RORB: variants seen among roughly 807,000 people sequenced by gnomAD.
RORB encodes the protein nuclear receptor ROR-beta.
In RORB, 6 loss-of-function variants were observed where a neutral mutation model predicts 59.1. The observed-to-expected ratio is 0.10, with a 90% CI of 0.06 to 0.20. The LOEUF (loss-of-function observed/expected upper bound fraction) is 0.20, where lower values mean the gene tolerates loss of function less well. RORB is among the 10% of genes least tolerant of loss of function. The probability of loss-of-function intolerance (pLI) is 1.00; values close to 1 mark genes in which losing one functional copy is unlikely to be tolerated. For synonymous variants in RORB, 215 were observed against 204.5 expected (o/e 1.05, Z -0.44); for missense variants, 320 against 560.5 (o/e 0.57, Z 4.33).
At chr9:74,603,312 T>A (rs972311375) in intron 1 of RORB, among the ~76,000 whole-genome samples, 1 of 152,194 alleles carries the variant, frequency 6.6e-6, no homozygotes, top group Admixed American at 6.5e-5. Context: ...GCAGTTTTCA[T>A]GCTCAGTAGC....
At chr9:74,535,127 T>C (rs938021984) in intron 1 of RORB, among the ~76,000 whole-genome samples, 1 of 149,402 alleles carries the variant, frequency 6.7e-6, no homozygotes, top group Admixed American at 6.8e-5. Context: ...AAAACTGCAG[T>C]CTTTCCCAGA....
At chr9:74,601,693 C>T (rs921431634) in intron 1 of RORB, among the ~76,000 whole-genome samples, 1 of 152,126 alleles carries the variant, frequency 6.6e-6, no homozygotes, top group African/African-American at 2.4e-5. Context: ...TGCTAGAAAT[C>T]CTATTTGCCC....
chr9:74,602,060 T>C (rs2118325545), intron 1 of RORB, among the ~76,000 whole-genome samples: 1 of 152,270 alleles, frequency 6.6e-6, no homozygotes, highest in Non-Finnish European at 1.5e-5. Flanking sequence ...GGCCCCACTA[T>C]GTCATCATGG....
At position 74,498,286 on chromosome 9, in the gene RORB, G is replaced by A. The variant is rs1825742375; in HGVS notation, c.7+303G>A. ...AATCTTTTTTGCTTGTCGCTCTCGG[G>A]TGCGGAAGCGGACGCGGGATGGAGA... On this transcript the variant is annotated intron_variant, in intron 1 of 9. Transcript: ENST00000376896. 4 of 454,432 alleles carry A rather than the reference G, an allele frequency of 8.8e-6. No homozygotes were observed. In the Admixed American group the frequency reaches 1.4e-4, roughly 16 times the overall value. The allele number at this position is 454,432 out of a possible 1,614,324, so 28.1% of individuals were successfully genotyped here.
chr9:74,529,855 G>A lies in RORB; in HGVS notation c.7+31872G>A, dbSNP rs186992313. On this transcript the variant is annotated intron_variant, in intron 1 of 9. Transcript: ENST00000376896. ...GTGCACCAAAATCTCAGAAATCACC[G>A]CTGAAGGACTTACTCATGTAACCAA... Among the ~76,000 whole-genome samples, 391 of 151,884 alleles carry A rather than the reference G, an allele frequency of 2.6e-3. 1 individual carries two copies. The highest frequency in any genetic ancestry group is 9.1e-3 in the African/African-American group (376 of 41,472).
At chr9:74,571,447 A>C (rs112470993) in intron 1 of RORB, among the ~76,000 whole-genome samples, 43 of 151,860 alleles carry the variant, frequency 2.8e-4, no homozygotes, top group African/African-American at 1.0e-3. Flanking sequence ...GTTGGGGAAC[A>C]GTTGTTCTCT....
intron 1 of RORB, among the ~76,000 whole-genome samples, chr9:74,571,246 A>G (rs1822546215): frequency 6.6e-6 from 1 of 152,098 alleles, no homozygotes. Context: ...AAAAAATTTC[A>G]CCTAAACCAT....
At position 74,692,865 on chromosome 9, in the gene RORB, T is replaced by G. The variant is rs1205379239; in HGVS notation, c.*7247T>G. 3 of 152,184 alleles carry G rather than the reference T, an allele frequency of 2.0e-5. No homozygotes were observed. The highest frequency in any genetic ancestry group is 4.8e-5 in the African/African-American group (2 of 41,464). The allele number at this position is 152,184 out of a possible 1,614,324, so 9.4% of individuals were successfully genotyped here. ...GATCTCTCTCTCCTTGTTTAATATA[T>G]AAGCCCTAATTTCTGTGTATGTGAG... On this transcript the variant is annotated 3_prime_UTR_variant, in exon 10 of 10. Transcript: ENST00000376896.
chr9:74,537,176 TGC>T (rs1563931191), intron 1 of RORB, among the ~76,000 whole-genome samples: 1 of 152,060 alleles, frequency 6.6e-6, no homozygotes, highest in African/African-American at 2.4e-5. Flanking sequence ...AATGTCATGG[TGC>T]CTCCTTCATC....
At position 74,672,442 on chromosome 9, in the gene RORB, G is replaced by A. The variant is rs372459497; in HGVS notation, c.1224+541G>A. Among the ~76,000 whole-genome samples the A allele has an allele frequency of 5.3e-5, 8 of 152,254 alleles. No homozygotes were observed. The East Asian group carries it at 9.7e-4, about 18-fold the overall frequency. ...TATAAATGACATTCCTACTCAGAGT[G>A]CAAGATTAGACTGATGACTTGTAAA... is the stretch of plus-strand genomic sequence containing the variant. On this transcript the variant is annotated intron_variant, in intron 9 of 9. Transcript: ENST00000376896.
chr9:74,547,973 A>G (rs1826527517), intron 1 of RORB, among the ~76,000 whole-genome samples: 1 of 152,228 alleles, frequency 6.6e-6, no homozygotes, highest in African/African-American at 2.4e-5. Flanking sequence ...AATTAGAGTG[A>G]CTTAGACCAG....
chr9:74,627,829 T>G (rs115943701), intron 1 of RORB, among the ~76,000 whole-genome samples: 196 of 152,038 alleles, frequency 1.3e-3, no homozygotes, highest in African/African-American at 4.5e-3. Flanking sequence ...AATGACTTGC[T>G]GTGTCATTTA....
At chr9:74,510,859 T>G (rs1407859501) in intron 1 of RORB, among the ~76,000 whole-genome samples, 1 of 152,194 alleles carries the variant, frequency 6.6e-6, no homozygotes, top group Non-Finnish European at 1.5e-5. Flanking sequence ...GCAAACAGAA[T>G]GAGTAGCATC....
intron 3 of RORB, among the ~76,000 whole-genome samples, chr9:74,635,725 A>C (rs1016971271): frequency 1.3e-5 from 2 of 152,170 alleles, no homozygotes; most frequent in Non-Finnish European, 2.9e-5. Flanking sequence ...TTCTGTCTTT[A>C]TGTCAGTCAG....
At chr9:74,641,901 T>C (rs948171814) in intron 3 of RORB, among the ~76,000 whole-genome samples, 2 of 152,118 alleles carry the variant, frequency 1.3e-5, no homozygotes, top group African/African-American at 4.8e-5. Context: ...AGCAAGACCC[T>C]GTCTCTTAAA....
At chr9:74,535,316 A>G (rs1262539688) in intron 1 of RORB, among the ~76,000 whole-genome samples, 4 of 152,048 alleles carry the variant, frequency 2.6e-5, no homozygotes, top group African/African-American at 9.7e-5. Context: ...ATAAAGACTA[A>G]GCAGATCTTT....
chr9:74,557,322 A>G (rs1478251860), intron 1 of RORB, among the ~76,000 whole-genome samples: 1 of 152,154 alleles, frequency 6.6e-6, no homozygotes, highest in African/African-American at 2.4e-5. Flanking sequence ...ACAGACACGA[A>G]TGAGGAGGCA....
At chr9:74,591,309 T>C (rs1822888514) in intron 1 of RORB, among the ~76,000 whole-genome samples, 1 of 152,192 alleles carries the variant, frequency 6.6e-6, no homozygotes. Flanking sequence ...CATGATATCC[T>C]ATGCATATGA....
At chr9:74,668,517 A>G (rs1667079429) in intron 8 of RORB, among the ~76,000 whole-genome samples, 1 of 152,192 alleles carries the variant, frequency 6.6e-6, no homozygotes, top group Non-Finnish European at 1.5e-5. Context: ...TTCACTACCA[A>G]TAGCTTACTG....
Sources: gnomAD v4.1 joint callset for allele counts (sites outside exome capture counted in the v4.1 genomes callset) on GRCh38, gnomAD v4.1.1 for gene constraint, MANE v1.5 for transcripts, NCBI Gene and HGNC (gene_info 2026-07-23, HGNC 2026-07-21) for gene names.